The following SESN3 variants were observed in gnomAD, a reference collection of about 807,000 sequenced individuals.
The protein encoded by SESN3 is sestrin 3.
SESN3 carries 21 observed loss-of-function variants against 55.3 expected under a neutral mutation model. The observed-to-expected ratio is 0.38, with a 90% CI of 0.27 to 0.55. SESN3 has a LOEUF of 0.55. SESN3 is among the 20% of genes least tolerant of loss of function. The pLI is 0.76. For synonymous variants in SESN3, 181 were observed against 203.1 expected (o/e 0.89, Z 0.93); for missense variants, 408 against 604.3 (o/e 0.68, Z 3.41).
At chr11:95,217,465 A>G (rs2134262717) in intron 1 of SESN3, among the ~76,000 whole-genome samples, 1 of 152,232 alleles carries the variant, frequency 6.6e-6, no homozygotes, top group African/African-American at 2.4e-5. Flanking sequence ...AGCCTCGCCA[A>G]CATGGTGAAA....
Position 95,191,479 on chromosome 11 carries a change from GAA to G in SESN3, c.265_266del (p.Phe89LeufsTer29). On this transcript the variant is annotated frameshift_variant, in exon 3 of 10. Coordinates refer to ENST00000536441, the MANE Select transcript of SESN3 (RefSeq NM_144665.4). LOFTEE classifies it high-confidence loss of function. ...MSLHTQYLES[F>X]LRSQFYMLRM... is the part of the protein sequence containing the mutation. ...GCAACATGTAAAACTGGCTCCGCAA[GAA>G]AGACTCCAGGTACTGAGTGTGTAAA... 6.2e-7 allele frequency: 1 copy of G among 1,613,056 alleles called. No homozygotes were observed. Among genetic ancestry groups the G allele is most frequent in the Non-Finnish European group, 8.5e-7 (1 of 1,179,314 alleles).
intron 9 of SESN3, among the ~76,000 whole-genome samples, chr11:95,173,694 A>G (rs892751198): frequency 6.8e-6 from 1 of 146,848 alleles, no homozygotes; most frequent in Admixed American, 6.8e-5. Flanking sequence ...ATCAGCCCTC[A>G]TTTTTTTTTT....
chr11:95,208,386 T>C (rs1361245819), intron 1 of SESN3, among the ~76,000 whole-genome samples: 1 of 151,472 alleles, frequency 6.6e-6, no homozygotes, highest in Non-Finnish European at 1.5e-5. Context: ...GGACTTCAAA[T>C]ACAGCTGTTC....
upstream of SESN3, chr11:95,231,320 C>A (rs868280424): frequency 1.0e-4 from 39 of 389,000 alleles, no homozygotes; most frequent in Middle Eastern, 6.5e-4. Context: ...CAATGAGCAA[C>A]GAGAGCCCGA....
In SESN3 at chr11:95,173,198, T is replaced by C. The variant is rs1047487500; in HGVS notation, c.*57A>G. On this transcript the variant is annotated 3_prime_UTR_variant, in exon 10 of 10. Transcript: ENST00000536441. ...GATGCTATATCACAAATAGCTTCAA[T>C]GTTTATCTTATGTGAAAGGTCTTTA... is the stretch of plus-strand genomic sequence containing the variant. 51 of 999,828 alleles carry C rather than the reference T, an allele frequency of 5.1e-5. No individual in the cohort carries two copies. The Middle Eastern group carries it at 1.1e-3, about 22-fold the overall frequency. 61.9% of individuals were successfully genotyped at this position (999,828 alleles called of 1,614,324 possible). A position where few individuals can be genotyped will look rare whatever the true frequency, so the allele number is the denominator to read the frequency against.
intron 1 of SESN3, among the ~76,000 whole-genome samples, chr11:95,202,826 A>G (rs974876540): frequency 2.0e-5 from 3 of 152,098 alleles, no homozygotes; most frequent in South Asian, 4.1e-4. Context: ...AGTATTAAGA[A>G]GGTCTTTACT....
chr11:95,179,554 C>CT (rs1307704737), intron 6 of SESN3, among the ~76,000 whole-genome samples: 1 of 152,024 alleles, frequency 6.6e-6, no homozygotes, highest in Non-Finnish European at 1.5e-5. Context: ...GGTGTTTCAT[C>CT]TGGATGTATT....
chr11:95,181,302 A>C (rs1157027286), intron 6 of SESN3, among the ~76,000 whole-genome samples: 2 of 152,112 alleles, frequency 1.3e-5, no homozygotes, highest in East Asian at 3.8e-4. Flanking sequence ...ATCCTAGGAA[A>C]AATCTCTATG....
chr11:95,211,506 G>A (rs549176383), intron 1 of SESN3, among the ~76,000 whole-genome samples: 3 of 152,280 alleles, frequency 2.0e-5, no homozygotes, highest in African/African-American at 7.2e-5. Flanking sequence ...AAAGGCTCAT[G>A]CCTATAATCC....
chr11:95,217,899 T>C (rs2096874713), intron 1 of SESN3, among the ~76,000 whole-genome samples: 1 of 152,334 alleles, frequency 6.6e-6, no homozygotes, highest in East Asian at 1.9e-4. Flanking sequence ...CTATAAAAAG[T>C]ATTCTGAATG....
At position 95,167,816 on chromosome 11, in the gene SESN3, C is replaced by G. The variant is rs1438220330; in HGVS notation, c.*5439G>C. Reference sequence around the variant, plus strand: ...CCTGACATAATTTTACATTTATGAACAACCTCAAGTGCACCTAGCTGGAGA... The same window carrying G: ...CCTGACATAATTTTACATTTATGAAGAACCTCAAGTGCACCTAGCTGGAGA... On this transcript the variant is annotated 3_prime_UTR_variant, in exon 10 of 10. Coordinates refer to ENST00000536441, the MANE Select transcript of SESN3 (RefSeq NM_144665.4). The G allele has an allele frequency of 1.3e-5, 2 of 152,222 alleles. No homozygotes were observed. The highest frequency in any genetic ancestry group is 2.9e-5 in the Non-Finnish European group (2 of 68,038). The allele number at this position is 152,222 out of a possible 1,614,324, so 9.4% of individuals were successfully genotyped here. A position where few individuals can be genotyped will look rare whatever the true frequency, so the allele number is the denominator to read the frequency against.
intron 1 of SESN3, among the ~76,000 whole-genome samples, chr11:95,222,392 AAT>A (rs1367275602): frequency 6.6e-6 from 1 of 152,228 alleles, no homozygotes; most frequent in Non-Finnish European, 1.5e-5. Context: ...TATTTTCTCA[AAT>A]AATCTTTGCT....
intron 8 of SESN3, 105 bp downstream of exon 8, chr11:95,177,614 A>T: frequency 2.9e-6 from 2 of 684,772 alleles, no homozygotes; most frequent in Non-Finnish European, 4.7e-6. Context: ...GTCTACATGT[A>T]ATATTTTCTT....
chr11:95,211,426 G>A (rs1011969919), intron 1 of SESN3, among the ~76,000 whole-genome samples: 1 of 152,156 alleles, frequency 6.6e-6, no homozygotes, highest in Admixed American at 6.5e-5. Context: ...ATTAAAATAG[G>A]CAGTGAGAAT....
At chr11:95,189,433 G>T (rs928138260) in intron 4 of SESN3, among the ~76,000 whole-genome samples, 4 of 151,912 alleles carry the variant, frequency 2.6e-5, no homozygotes, top group African/African-American at 9.7e-5. Context: ...GTAGAAGGGA[G>T]AACAGAAGCC....
At chr11:95,215,724 G>A (rs1157168593) in intron 1 of SESN3, among the ~76,000 whole-genome samples, 1 of 152,152 alleles carries the variant, frequency 6.6e-6, no homozygotes, top group African/African-American at 2.4e-5. Context: ...AACCAATTAT[G>A]TGTCACACAT....
At chr11:95,202,733 A>G (rs899611266) in intron 1 of SESN3, among the ~76,000 whole-genome samples, 2 of 152,104 alleles carry the variant, frequency 1.3e-5, no homozygotes, top group African/African-American at 4.8e-5. Context: ...GCAAGTCCAT[A>G]ATAAGCACTT....
intron 1 of SESN3, among the ~76,000 whole-genome samples, chr11:95,217,481 G>T (rs7945457): frequency 6.6e-6 from 1 of 151,828 alleles, no homozygotes; most frequent in East Asian, 1.9e-4. Context: ...TGAAATCCCC[G>T]TCTCTACTAA....
intron 9 of SESN3, among the ~76,000 whole-genome samples, chr11:95,173,930 A>C (rs878908285): frequency 6.6e-6 from 1 of 152,042 alleles, no homozygotes; most frequent in Admixed American, 6.5e-5. Context: ...AGTTTTCAAA[A>C]TTTACTATAA....
Sources: allele counts gnomAD v4.1 joint callset (sites outside exome capture counted in the v4.1 genomes callset), GRCh38; gene constraint gnomAD v4.1.1; transcripts MANE v1.5; gene names NCBI Gene and HGNC (gene_info 2026-07-23, HGNC 2026-07-21).